The following KCMF1 variants were observed in gnomAD, a reference collection of about 807,000 sequenced individuals.
KCMF1 encodes the protein E3 ubiquitin-protein ligase KCMF1.
A neutral mutation model predicts 41.1 loss-of-function variants in KCMF1; 3 were observed. The ratio of observed to expected loss-of-function variants is 0.07; its 90% confidence interval spans 0.03 to 0.19. The LOEUF is 0.19. Among genes scored for constraint, KCMF1 ranks in the 10% least tolerant of loss-of-function variants. KCMF1 has a pLI of 1.00. For missense variants in KCMF1, 286 were observed against 488.9 expected, an observed-to-expected ratio of 0.58 and a Z score of 3.91; for synonymous variants, 142 against 164.5, an observed-to-expected ratio of 0.86 and a Z score of 1.04.
intron 1 of KCMF1, among the ~76,000 whole-genome samples, chr2:85,008,438 AC>A: frequency 8.4e-6 from 1 of 119,148 alleles, no homozygotes; most frequent in South Asian, 2.3e-4. Flanking sequence ...TATGATATAT[AC>A]ATCATATATC....
intron 1 of KCMF1, among the ~76,000 whole-genome samples, chr2:84,999,157 A>G (rs1674267036): frequency 2.0e-5 from 3 of 150,930 alleles, no homozygotes; most frequent in Admixed American, 1.3e-4. Context: ...TTATTTATTT[A>G]TTTATATATC....
intron 1 of KCMF1, among the ~76,000 whole-genome samples, chr2:85,020,033 C>T (rs1248397289): frequency 6.6e-6 from 1 of 152,026 alleles, no homozygotes; most frequent in Non-Finnish European, 1.5e-5. Flanking sequence ...GGCTACCACC[C>T]CCTATCCCTT....
chr2:84,992,512 C>T (rs115573093), intron 1 of KCMF1, among the ~76,000 whole-genome samples: 2,606 of 152,204 alleles, frequency 0.017, 36 homozygotes, highest in Middle Eastern at 0.044. Context: ...GCGCCTGGCC[C>T]GTTTTGGCTC....
At chr2:85,011,887 C>T (rs1445111189) in intron 1 of KCMF1, among the ~76,000 whole-genome samples, 1 of 152,172 alleles carries the variant, frequency 6.6e-6, no homozygotes, top group Non-Finnish European at 1.5e-5. Context: ...GAAATTGATG[C>T]CATTAGCCCT....
Position 84,971,633 on chromosome 2 carries a change from GCGC to G in KCMF1, c.16+170_16+172del, listed in dbSNP as rs1673395876. On this transcript the variant is annotated intron_variant, in intron 1 of 6. Coordinates refer to ENST00000409785, the MANE Select transcript of KCMF1 (RefSeq NM_020122.5). The stretch of plus-strand genomic sequence containing the variant: ...GAGCGAGCGAGGGCGGAGAGCCGCG[GCGC>G]CGCTGCCGCCACGGCCGCGGCCCTT... Among the ~76,000 whole-genome samples the G allele has an allele frequency of 3.3e-5, 5 of 150,934 alleles. No homozygotes were observed. In the South Asian group the frequency reaches 8.3e-4, roughly 25 times the overall value.
At chr2:85,024,217 C>T (rs1218060647) in intron 1 of KCMF1, among the ~76,000 whole-genome samples, 1 of 152,198 alleles carries the variant, frequency 6.6e-6, no homozygotes, top group African/African-American at 2.4e-5. Context: ...TGGCTCACGC[C>T]TGTTGTAATT....
At position 85,043,502 on chromosome 2, in the gene KCMF1, C is replaced by T. The variant is rs115690397; in HGVS notation, c.325-62C>T. ...ATAGTAAAACTTACAGCAGAATACT[C>T]GTCCAGAAAGATGTCTTATTGACGT... On this transcript the variant is annotated intron_variant, in intron 3 of 6. Coordinates refer to ENST00000409785, the MANE Select transcript of KCMF1 (RefSeq NM_020122.5). The T allele has an allele frequency of 8.9e-4, 821 of 919,316 alleles. 5 individuals carry two copies. In the African/African-American group the frequency reaches 0.012, roughly 13 times the overall value. 56.9% of individuals were successfully genotyped at this position (919,316 alleles called of 1,614,324 possible).
At chr2:84,984,894 G>T (rs1303525525) in intron 1 of KCMF1, among the ~76,000 whole-genome samples, 1 of 152,012 alleles carries the variant, frequency 6.6e-6, no homozygotes, top group Admixed American at 6.6e-5. Context: ...TCACTATGTT[G>T]CCCAGGATGG....
At chr2:84,974,280 C>T (rs915010037) in intron 1 of KCMF1, among the ~76,000 whole-genome samples, 3 of 152,144 alleles carry the variant, frequency 2.0e-5, no homozygotes, top group Non-Finnish European at 4.4e-5. Flanking sequence ...GTTGTACTTG[C>T]TTGGTGCTTC....
chr2:85,035,205 A>G (rs1181733948), intron 3 of KCMF1, 50 bp downstream of exon 3: 1 of 1,490,244 alleles, frequency 6.7e-7, no homozygotes, highest in Non-Finnish European at 9.2e-7. Context: ...AAAGTATATT[A>G]TTTCTAACAT....
At chr2:85,019,860 C>T (rs1318485400) in intron 1 of KCMF1, among the ~76,000 whole-genome samples, 1 of 151,282 alleles carries the variant, frequency 6.6e-6, no homozygotes, top group Non-Finnish European at 1.5e-5. Context: ...ATTTGAAATA[C>T]TGACCTTGAA....
intron 1 of KCMF1, among the ~76,000 whole-genome samples, chr2:85,013,314 A>G (rs1166008483): frequency 2.0e-5 from 3 of 152,188 alleles, no homozygotes; most frequent in Non-Finnish European, 4.4e-5. Flanking sequence ...TTCCCACCTC[A>G]GTACAATGAG....
At position 85,045,088 on chromosome 2, in the gene KCMF1, A is replaced by G. The variant is rs1009612272; in HGVS notation, c.427-1016A>G. On this transcript the variant is annotated intron_variant, in intron 4 of 6. Coordinates refer to ENST00000409785, the MANE Select transcript of KCMF1 (RefSeq NM_020122.5). ...ATAGGAAGACCCCATCTCTACCAAA[A>G]TAATGAGCTCAGCTGGTGGCACACA... Among the ~76,000 whole-genome samples the G allele has an allele frequency of 4.6e-4, 70 of 152,210 alleles. 1 individual carries two copies. In the South Asian group the frequency reaches 4.8e-3, roughly 10 times the overall value.
At chr2:84,983,346 A>C (rs577619546) in intron 1 of KCMF1, among the ~76,000 whole-genome samples, 1 of 152,018 alleles carries the variant, frequency 6.6e-6, no homozygotes, top group South Asian at 2.1e-4. Context: ...TTTTTTTAAG[A>C]GACAGAGTCT....
intron 2 of KCMF1, among the ~76,000 whole-genome samples, chr2:85,028,549 T>C (rs943244397): frequency 7.7e-6 from 1 of 130,542 alleles, no homozygotes; most frequent in Non-Finnish European, 1.6e-5. Context: ...GAGTGCAATG[T>C]CGTGATCTCA....
At chr2:85,046,973 A>G (rs1009887282) in intron 5 of KCMF1, among the ~76,000 whole-genome samples, 18 of 152,150 alleles carry the variant, frequency 1.2e-4, no homozygotes, top group African/African-American at 3.9e-4. Context: ...TCATGTTCCT[A>G]ATTTATAAAT....
chr2:85,024,553 TGA>T (rs377478206), intron 1 of KCMF1, among the ~76,000 whole-genome samples: 5,276 of 141,374 alleles, frequency 0.037, 111 homozygotes, highest in Middle Eastern at 0.079. Flanking sequence ...ATTTGGAGAG[TGA>T]GAGAGAGAGA....
intron 3 of KCMF1, among the ~76,000 whole-genome samples, chr2:85,042,913 C>G (rs1417393186): frequency 6.6e-6 from 1 of 152,158 alleles, no homozygotes; most frequent in Non-Finnish European, 1.5e-5. Flanking sequence ...CCAAGAGGCC[C>G]ATGGAAAGTT....
At chr2:85,013,713 A>G (rs1674701959) in intron 1 of KCMF1, among the ~76,000 whole-genome samples, 2 of 151,720 alleles carry the variant, frequency 1.3e-5, no homozygotes. Flanking sequence ...TAGGAGAATC[A>G]CTTGACCGCG....
Sources: allele counts gnomAD v4.1 joint callset (sites outside exome capture counted in the v4.1 genomes callset), GRCh38; gene constraint gnomAD v4.1.1; transcripts MANE v1.5; gene names NCBI Gene and HGNC (gene_info 2026-07-23, HGNC 2026-07-21).